The following PTPRR variants were observed in gnomAD, a reference collection of about 807,000 sequenced individuals.
The protein encoded by PTPRR is protein tyrosine phosphatase receptor type R.
In PTPRR, 38 loss-of-function variants were observed where a neutral mutation model predicts 77.2. The observed-to-expected ratio is 0.49, with a 90% CI of 0.38 to 0.65. The LOEUF (loss-of-function observed/expected upper bound fraction) is 0.65, where lower values mean the gene tolerates loss of function less well. Among genes scored for constraint, PTPRR ranks in the 30% least tolerant of loss-of-function variants. The probability of loss-of-function intolerance (pLI) is 0.00; values close to 1 mark genes in which losing one functional copy is unlikely to be tolerated. For missense variants in PTPRR, 744 were observed against 799.2 expected (o/e 0.93, Z 0.83); for synonymous variants, 299 against 283.1 (o/e 1.06, Z -0.57).
intron 12 of PTPRR, among the ~76,000 whole-genome samples, chr12:70,657,940 T>C (rs1343503424): frequency 1.3e-5 from 2 of 152,196 alleles, no homozygotes; most frequent in Non-Finnish European, 2.9e-5. Flanking sequence ...TCTCAAGTCT[T>C]TTCCTTGACA....
Position 70,685,589 on chromosome 12 carries a change from G to T in PTPRR, c.1280-806C>A, listed in dbSNP as rs1262363314. ...TGCTTGAACCCGAAAGGCCAAGGTT[G>T]CAGTGAGCTGAGATTGTGCCACTGC... is the stretch of plus-strand genomic sequence containing the variant. On this transcript the variant is annotated intron_variant, in intron 8 of 13. Transcript: ENST00000283228. Among the ~76,000 whole-genome samples the T allele has an allele frequency of 2.0e-5, 3 of 151,778 alleles. No homozygotes were observed. The East Asian group carries it at 5.8e-4, about 29-fold the overall frequency.
At chr12:70,781,694 A>G (rs1201257643) in intron 2 of PTPRR, among the ~76,000 whole-genome samples, 1 of 152,222 alleles carries the variant, frequency 6.6e-6, no homozygotes, top group East Asian at 1.9e-4. Flanking sequence ...AGAGTGAGGT[A>G]TAATGAAGAA....
At chr12:70,738,335 C>T (rs1198455452) in intron 6 of PTPRR, among the ~76,000 whole-genome samples, 1 of 152,108 alleles carries the variant, frequency 6.6e-6, no homozygotes, top group Non-Finnish European at 1.5e-5. Flanking sequence ...CTACTGAGAC[C>T]TCCGTTTTGA....
intron 2 of PTPRR, among the ~76,000 whole-genome samples, chr12:70,781,118 T>G (rs745576046): frequency 2.6e-5 from 4 of 152,222 alleles, no homozygotes; most frequent in Non-Finnish European, 4.4e-5. Context: ...TTGATCTCTG[T>G]AGGCCCAGTT....
chr12:70,729,171 C>A (rs528931685), intron 6 of PTPRR, among the ~76,000 whole-genome samples: 1 of 152,006 alleles, frequency 6.6e-6, no homozygotes, highest in East Asian at 1.9e-4. Context: ...TCAAATACAC[C>A]ATAGACATTT....
At chr12:70,883,318 AG>A (rs1357963377) in intron 2 of PTPRR, among the ~76,000 whole-genome samples, 2 of 152,166 alleles carry the variant, frequency 1.3e-5, no homozygotes, top group Non-Finnish European at 2.9e-5. Context: ...TAAAAATTAG[AG>A]GGGAAACAGC....
Position 70,768,453 on chromosome 12 carries a change from A to C in PTPRR, c.358-3675T>G, listed in dbSNP as rs574111508. Among the ~76,000 whole-genome samples, 3 of 152,318 alleles carry C rather than the reference A, an allele frequency of 2.0e-5. No homozygotes were observed. The East Asian group carries it at 5.8e-4, about 29-fold the overall frequency. On this transcript the variant is annotated intron_variant, in intron 2 of 13. Coordinates refer to ENST00000283228, the MANE Select transcript of PTPRR (RefSeq NM_002849.4). ...TGACACATGCACTTTCCCAAGACTAAACCAGGAAGAAGTTGAATCTCTGAA... is the reference window on the plus strand; with the variant it reads ...TGACACATGCACTTTCCCAAGACTACACCAGGAAGAAGTTGAATCTCTGAA...
At chr12:70,722,420 A>G (rs1258675611) in intron 6 of PTPRR, among the ~76,000 whole-genome samples, 1 of 152,018 alleles carries the variant, frequency 6.6e-6, no homozygotes, top group East Asian at 1.9e-4. Context: ...TTTTAGTACC[A>G]CTCTCGTTAA....
At chr12:70,899,785 A>T (rs1402597233) in intron 1 of PTPRR, among the ~76,000 whole-genome samples, 1 of 151,406 alleles carries the variant, frequency 6.6e-6, no homozygotes. Flanking sequence ...CTATATAAAA[A>T]ATCCCAAGGA....
Position 70,825,356 on chromosome 12 carries a change from G to A in PTPRR, c.358-60578C>T, listed in dbSNP as rs530271586. On this transcript the variant is annotated intron_variant, in intron 2 of 13. Transcript: ENST00000283228. ...AAAATTCACTTACAGAGTAAGTGAC[G>A]GAGGCAGGATTGCAATCCAGACAGC... 5.9e-5 allele frequency among the ~76,000 whole-genome samples: 9 copies of A among 152,178 alleles called. No homozygotes were observed. The East Asian group carries it at 1.2e-3, about 20-fold the overall frequency.
At chr12:70,809,283 C>T (rs1162545982) in intron 2 of PTPRR, among the ~76,000 whole-genome samples, 1 of 152,086 alleles carries the variant, frequency 6.6e-6, no homozygotes, top group Admixed American at 6.6e-5. Context: ...AGTACAAAGC[C>T]AGAAGGCAAA....
At chr12:70,721,997 G>C (rs916386555) in intron 6 of PTPRR, among the ~76,000 whole-genome samples, 3 of 152,106 alleles carry the variant, frequency 2.0e-5, no homozygotes, top group Non-Finnish European at 4.4e-5. Flanking sequence ...TAAGAAATAA[G>C]AACAAACTAG....
At chr12:70,850,126 C>T (rs1050993564) in intron 2 of PTPRR, among the ~76,000 whole-genome samples, 2 of 152,036 alleles carry the variant, frequency 1.3e-5, no homozygotes, top group Non-Finnish European at 2.9e-5. Context: ...CTTTGGGAGG[C>T]CGAGGTGGGC....
At chr12:70,853,985 C>A (rs4503638) in intron 2 of PTPRR, among the ~76,000 whole-genome samples, 71,038 of 152,046 alleles carry the variant, frequency 0.47, 17,268 homozygotes, top group East Asian at 0.6. Context: ...CAAGTAGCTA[C>A]AATATCATCA....
rs1308924171 is a variant in PTPRR at position 70,892,880 on chromosome 12, C to G, written c.156G>C (p.Lys52Asn). 2 of 1,613,408 alleles carry G rather than the reference C, an allele frequency of 1.2e-6. No homozygotes were observed. The highest frequency in any genetic ancestry group is 1.3e-5 in the African/African-American group (1 of 74,844). ...FIYKHSQDIEKSLDIAPQKIY... is the reference protein window; with the variant it reads ...FIYKHSQDIENSLDIAPQKIY... ...TTTTTTGTGGGGCTATATCCAGGCTCTTCTCAATGTCTTGTGAATGCTTAT... is the reference window on the plus strand; with the variant it reads ...TTTTTTGTGGGGCTATATCCAGGCTGTTCTCAATGTCTTGTGAATGCTTAT... The change falls in exon 2 of 14, where the codon AAG (lysine) becomes AAC (asparagine). Residue 52 changes from lysine (K) to asparagine (N), a missense_variant. By Grantham distance (94) the Lys-to-Asn change is moderately conservative. Coordinates refer to ENST00000283228, the MANE Select transcript of PTPRR (RefSeq NM_002849.4).
At chr12:70,694,954 T>C (rs926398433) in intron 8 of PTPRR, among the ~76,000 whole-genome samples, 1 of 152,240 alleles carries the variant, frequency 6.6e-6, no homozygotes, top group Non-Finnish European at 1.5e-5. Flanking sequence ...CTACTACTTT[T>C]GTGATTTAGG....
chr12:70,666,979 G>A (rs1200276992), intron 10 of PTPRR, among the ~76,000 whole-genome samples: 7 of 83,368 alleles, frequency 8.4e-5, no homozygotes, highest in Admixed American at 3.6e-4. Context: ...TTTTTGAGAC[G>A]GAGTCTCGCT....
rs1255824297 is a variant in PTPRR, at chr12:70,892,995, C to T, written c.59-18G>A. On this transcript the variant is annotated intron_variant, in intron 1 of 13. Coordinates refer to ENST00000283228, the MANE Select transcript of PTPRR (RefSeq NM_002849.4). The stretch of plus-strand genomic sequence containing the variant: ...AAAGCACCCTGAAAGAGGGAAGAAG[C>T]AGAAACAATATCAAAGACCCTATTC... 6.2e-7 allele frequency: 1 copy of T among 1,608,718 alleles called. No individual in the cohort carries two copies. The highest frequency in any genetic ancestry group is 8.5e-7 in the Non-Finnish European group (1 of 1,177,038).
intron 2 of PTPRR, among the ~76,000 whole-genome samples, chr12:70,784,116 C>T (rs1367209982): frequency 1.3e-5 from 2 of 152,168 alleles, no homozygotes; most frequent in Non-Finnish European, 2.9e-5. Context: ...CCTGCTTGCT[C>T]GGTGGAGCGG....
Sources: allele counts gnomAD v4.1 joint callset (sites outside exome capture counted in the v4.1 genomes callset), GRCh38; gene constraint gnomAD v4.1.1; transcripts MANE v1.5; gene names NCBI Gene and HGNC (gene_info 2026-07-23, HGNC 2026-07-21).